The following EFCAB13 variants were observed in gnomAD, a reference collection of about 807,000 sequenced individuals.
The protein encoded by EFCAB13 is EF-hand calcium-binding domain-containing protein 13.
Under a neutral mutation model 110.2 loss-of-function variants are expected in EFCAB13, and 91 were observed. That is an observed-to-expected ratio of 0.83 (90% confidence interval 0.70 to 0.98). The LOEUF (loss-of-function observed/expected upper bound fraction) is 0.98, where lower values mean the gene tolerates loss of function less well. Among genes scored for constraint, EFCAB13 ranks in the 50% least tolerant of loss-of-function variants. EFCAB13 has a pLI of 0.00. For missense variants in EFCAB13, 968 were observed against 1,119.4 expected (o/e 0.86, Z 1.93); for synonymous variants, 323 against 369.9 (o/e 0.87, Z 1.45).
Position 47,440,547 on chromosome 17 carries a change from C to A in EFCAB13, c.2755C>A (p.Gln919Lys). 6.2e-7 allele frequency: 1 copy of A among 1,613,246 alleles called. No homozygotes were observed. ...ICTYCPDLER[Q>K]AVVYMLKTIQ... Reference sequence around the variant, plus strand: ...TACTTATTGCCCAGATCTAGAAAGGCAAGCAGTGGTTTACATGTTAAAAAC... The same window carrying A: ...TACTTATTGCCCAGATCTAGAAAGGAAAGCAGTGGTTTACATGTTAAAAAC... Residue 919 changes from glutamine to lysine, a missense_variant, in exon 25 of 25, where the codon CAA becomes AAA. By Grantham distance (53) the Gln-to-Lys change is moderately conservative. Coordinates refer to ENST00000331493, the MANE Select transcript of EFCAB13 (RefSeq NM_152347.5).
chr17:47,366,070 G>C (rs2065543873), intron 10 of EFCAB13, among the ~76,000 whole-genome samples: 1 of 152,120 alleles, frequency 6.6e-6, no homozygotes, highest in African/African-American at 2.4e-5. Flanking sequence ...AGCACTGCAG[G>C]TACTGTTCCA....
intron 14 of EFCAB13, among the ~76,000 whole-genome samples, chr17:47,383,479 G>T (rs2065658232): frequency 6.6e-6 from 1 of 152,146 alleles, no homozygotes; most frequent in Non-Finnish European, 1.5e-5. Flanking sequence ...GGTACATTGT[G>T]TCTTTGTTCT....
In EFCAB13 at chr17:47,374,832, G is replaced by A. The variant is rs760430584; in HGVS notation, c.1238G>A (p.Ser413Asn). 2 of 1,613,956 alleles carry A rather than the reference G, an allele frequency of 1.2e-6. No individual in the cohort carries two copies. The highest frequency in any genetic ancestry group is 1.7e-6 in the Non-Finnish European group (2 of 1,179,966). ...TCTAAACCACAAAGCTTGAAGAGTA[G>A]TACAAGCCTCAGTAAGTCTCTGGAT... ...SKSKPQSLKS[S>N]TSLSKSLDKS... is the part of the protein sequence containing the mutation. The change falls in exon 12 of 25, where the codon AGT (serine) becomes AAT (asparagine). Residue 413 changes from serine to asparagine, a missense_variant. Coordinates refer to ENST00000331493, the MANE Select transcript of EFCAB13 (RefSeq NM_152347.5).
At chr17:47,341,129 C>T (rs2065382127) in intron 5 of EFCAB13, among the ~76,000 whole-genome samples, 1 of 151,902 alleles carries the variant, frequency 6.6e-6, no homozygotes, top group East Asian at 1.9e-4. Context: ...GGAAAATCTA[C>T]AGGATGAATG....
intron 8 of EFCAB13, among the ~76,000 whole-genome samples, chr17:47,345,935 C>G (rs1399539116): frequency 6.6e-6 from 1 of 151,932 alleles, no homozygotes; most frequent in Non-Finnish European, 1.5e-5. Context: ...GTCACCTATC[C>G]AACTTTAAAC....
chr17:47,399,075 ACTG>A (rs1555584871), intron 17 of EFCAB13, among the ~76,000 whole-genome samples: 1 of 152,048 alleles, frequency 6.6e-6, no homozygotes, highest in Non-Finnish European at 1.5e-5. Context: ...GGTGCACAGC[ACTG>A]TGCCTGGCTA....
chr17:47,396,502 C>T (rs970002426), intron 17 of EFCAB13, among the ~76,000 whole-genome samples: 1 of 152,066 alleles, frequency 6.6e-6, no homozygotes, highest in African/African-American at 2.4e-5. Context: ...AAGTAAGTCT[C>T]CATCATTTAC....
chr17:47,427,678 TAGTC>T (rs1293364537), intron 23 of EFCAB13, among the ~76,000 whole-genome samples: 2 of 152,068 alleles, frequency 1.3e-5, no homozygotes, highest in Non-Finnish European at 2.9e-5. Context: ...GTTAAATCAG[TAGTC>T]AGTGTTTAAT....
At chr17:47,362,857 C>G (rs1445170220) in intron 10 of EFCAB13, among the ~76,000 whole-genome samples, 1 of 152,292 alleles carries the variant, frequency 6.6e-6, no homozygotes, top group East Asian at 1.9e-4. Flanking sequence ...GGAGATGGCT[C>G]ACACTCCTTA....
intron 10 of EFCAB13, among the ~76,000 whole-genome samples, chr17:47,365,734 A>T (rs1307768637): frequency 6.6e-6 from 1 of 152,160 alleles, no homozygotes; most frequent in African/African-American, 2.4e-5. Flanking sequence ...ATAAAGACCT[A>T]TAGGTTCTAT....
intron 10 of EFCAB13, among the ~76,000 whole-genome samples, chr17:47,363,834 T>C (rs1056449304): frequency 6.6e-6 from 1 of 152,172 alleles, no homozygotes; most frequent in Non-Finnish European, 1.5e-5. Flanking sequence ...GGTCTGGAGA[T>C]AGAATCAGGC....
rs190758014 is a variant in EFCAB13, at chr17:47,409,631, C to G, written c.2234-16C>G. 1.1e-5 allele frequency: 18 copies of G among 1,600,988 alleles called. No homozygotes were observed. In the African/African-American group the frequency reaches 2.0e-4, roughly 18 times the overall value. On this transcript the variant is annotated splice_polypyrimidine_tract_variant and intron_variant, in intron 20 of 24. Transcript: ENST00000331493. The stretch of plus-strand genomic sequence containing the variant: ...TGCCATTCCTCATTGTGTAATGTCT[C>G]TCTCTAAATTTGCAGATTTCAGGAA...
intron 23 of EFCAB13, among the ~76,000 whole-genome samples, chr17:47,424,286 C>A (rs979782358): frequency 1.3e-5 from 2 of 152,192 alleles, no homozygotes; most frequent in African/African-American, 4.8e-5. Flanking sequence ...AGAAGGCACC[C>A]GCGGAACCGA....
chr17:47,410,831 T>G (rs2065830457), intron 21 of EFCAB13, among the ~76,000 whole-genome samples: 1 of 152,242 alleles, frequency 6.6e-6, no homozygotes. Context: ...CATGAGTCAA[T>G]TATAGAAAAG....
At chr17:47,345,272 C>T (rs2065408808) in intron 8 of EFCAB13, among the ~76,000 whole-genome samples, 174 bp downstream of exon 8, 2 of 152,028 alleles carry the variant, frequency 1.3e-5, no homozygotes, top group African/African-American at 2.4e-5. Context: ...ATAGTTTAAT[C>T]CATAAATATC....
At chr17:47,374,447 A>G (rs780869507) in intron 11 of EFCAB13, 25 bp from the exon 12 acceptor site, 2 of 1,433,738 alleles carry the variant, frequency 1.4e-6, no homozygotes, top group Non-Finnish European at 1.9e-6. Context: ...GGTAAATGAA[A>G]TAATTGTATA....
intron 10 of EFCAB13, among the ~76,000 whole-genome samples, chr17:47,365,653 G>T (rs1481163964): frequency 6.6e-6 from 1 of 152,064 alleles, no homozygotes; most frequent in Non-Finnish European, 1.5e-5. Flanking sequence ...CCCATCAATT[G>T]CAAATTACCA....
intron 5 of EFCAB13, among the ~76,000 whole-genome samples, chr17:47,341,610 C>T (rs1387983822): frequency 2.0e-5 from 3 of 152,126 alleles, no homozygotes; most frequent in Non-Finnish European, 2.9e-5. Flanking sequence ...ATCTGCCCAC[C>T]TTGGCCTCCC....
chr17:47,398,684 A>C (rs1166184572), intron 17 of EFCAB13, among the ~76,000 whole-genome samples: 1 of 150,782 alleles, frequency 6.6e-6, no homozygotes, highest in Non-Finnish European at 1.5e-5. Flanking sequence ...ACCACTCCCT[A>C]ATCTCAAGTA....
Sources: gnomAD v4.1 joint callset for allele counts (sites outside exome capture counted in the v4.1 genomes callset) on GRCh38, gnomAD v4.1.1 for gene constraint, MANE v1.5 for transcripts, NCBI Gene and HGNC (gene_info 2026-07-23, HGNC 2026-07-21) for gene names.